The following MINK1 variants were observed in gnomAD, a reference collection of about 807,000 sequenced individuals.
MINK1 encodes the protein misshapen like kinase 1, also known as misshapen-like kinase 1.
A neutral mutation model predicts 178.4 loss-of-function variants in MINK1; 46 were observed. The observed-to-expected ratio is 0.26, with a 90% CI of 0.20 to 0.33. MINK1 has a LOEUF of 0.33. Among genes scored for constraint, MINK1 ranks in the 10% least tolerant of loss-of-function variants. The probability of loss-of-function intolerance (pLI) is 1.00; values close to 1 mark genes in which losing one functional copy is unlikely to be tolerated. For synonymous variants in MINK1, 797 were observed against 709.7 expected, an observed-to-expected ratio of 1.12 and a Z score of -1.96; for missense variants, 1,366 against 1,814.9, an observed-to-expected ratio of 0.75 and a Z score of 4.49.
intron 1 of MINK1, among the ~76,000 whole-genome samples, chr17:4,865,686 C>G (rs1166721680): frequency 6.9e-6 from 1 of 145,336 alleles, no homozygotes; most frequent in African/African-American, 2.6e-5. Flanking sequence ...AGTTCGAGAC[C>G]AGCCTGATCA....
Position 4,896,207 on chromosome 17 carries a change from C to T in MINK1, c.3480C>T (p.Leu1160=), listed in dbSNP as rs1969448316. 6.3e-7 allele frequency: 1 copy of T among 1,597,958 alleles called. No individual in the cohort carries two copies. The highest frequency in any genetic ancestry group is 1.1e-5 in the South Asian group (1 of 88,396). ...KFMAFKSFAD[L]PHRPLLVDLT... ...GTTCTCTGCAGTCCTTTGCCGACCT[C>T]CCCCACCGCCCTCTGCTGGTCGACC... Residue 1160 remains leucine (L), a synonymous_variant, in exon 29 of 32, where the codon CTC becomes CTT. Coordinates refer to ENST00000355280, the MANE Select transcript of MINK1 (RefSeq NM_153827.5). This position sits in a 1 kb window ranked among gnomAD's most constrained non-coding sequence, Gnocchi z 4.6.
At chr17:4,893,354 G>A (rs750575472) in intron 20 of MINK1, 80 bp from the exon 21 acceptor site, 1 of 1,612,620 alleles carries the variant, frequency 6.2e-7, no homozygotes, top group Non-Finnish European at 8.5e-7. Context: ...CTGTCGCCCT[G>A]CTGGGGTGTC....
chr17:4,848,203 G>C (rs1911332015), intron 1 of MINK1, among the ~76,000 whole-genome samples: 1 of 152,200 alleles, frequency 6.6e-6, no homozygotes, highest in African/African-American at 2.4e-5. Flanking sequence ...TGTGAAGACA[G>C]GGAATTGTTC....
At chr17:4,876,174 G>C (rs780143657) in intron 1 of MINK1, among the ~76,000 whole-genome samples, 3 of 151,966 alleles carry the variant, frequency 2.0e-5, no homozygotes, top group Non-Finnish European at 4.4e-5. Flanking sequence ...GGTCAGCCCA[G>C]TCCCCTTCAG....
At position 4,890,721 on chromosome 17, in the gene MINK1, G is replaced by A; in HGVS notation, c.1552G>A (p.Ala518Thr). The A allele has an allele frequency of 6.5e-7, 1 of 1,547,738 alleles. No individual in the cohort carries two copies. Among genetic ancestry groups the A allele is most frequent in the Non-Finnish European group, 8.7e-7 (1 of 1,145,024 alleles). ...GGGCATGAATCCCGCTGACAAACCAGCCTGGGCCCGAGAGGTACTCACTGC... is the reference window on the plus strand; with the variant it reads ...GGGCATGAATCCCGCTGACAAACCAACCTGGGCCCGAGAGGTACTCACTGC... ...GRGMNPADKPAWAREVEERTR... is the reference protein window; with the variant it reads ...GRGMNPADKPTWAREVEERTR... Residue 518 changes from alanine (A) to threonine (T), a missense_variant, in exon 14 of 32, where the codon GCC becomes ACC. Coordinates refer to ENST00000355280, the MANE Select transcript of MINK1 (RefSeq NM_153827.5).
intron 20 of MINK1, 56 bp from the exon 21 acceptor site, chr17:4,893,378 T>A (rs1969075757): frequency 4.4e-6 from 7 of 1,607,058 alleles, no homozygotes; most frequent in Non-Finnish European, 6.0e-6. Flanking sequence ...GCACCCTTTG[T>A]CTACCTCCAC....
At chr17:4,893,772 G>C (rs1969125078) in intron 21 of MINK1, 175 bp downstream of exon 21, 1 of 1,082,086 alleles carries the variant, frequency 9.2e-7, no homozygotes, top group Admixed American at 3.0e-5. Flanking sequence ...GTGTTGTGGG[G>C]TGGCCTCTTC....
At chr17:4,890,006 C>CCCCCCTCATT (rs1968620248) in intron 13 of MINK1, 1 of 559,828 alleles carries the variant, frequency 1.8e-6, no homozygotes, top group African/African-American at 2.0e-5. Context: ...CCTTCCTCAT[C>CCCCCCTCATT]CCCCCTCATT....
intron 15 of MINK1, 87 bp from the exon 16 acceptor site, chr17:4,891,369 A>G (rs1744558724): frequency 7.5e-6 from 11 of 1,467,890 alleles, no homozygotes; most frequent in Non-Finnish European, 1.0e-5. Context: ...AGGGGCAGCT[A>G]AAGTCCTTTC....
At chr17:4,849,755 T>C (rs188349015) in intron 1 of MINK1, among the ~76,000 whole-genome samples, 1 of 152,096 alleles carries the variant, frequency 6.6e-6, no homozygotes, top group East Asian at 1.9e-4. Flanking sequence ...GTATGTTTAG[T>C]AGAGGTGGGG....
chr17:4,890,618 A>G lies in MINK1; in HGVS notation c.1449A>G (p.Gln483=), dbSNP rs1271562964. 1.9e-6 allele frequency: 3 copies of G among 1,558,480 alleles called. No homozygotes were observed. The highest frequency in any genetic ancestry group is 1.4e-5 in the African/African-American group (1 of 73,262). ...HAYLKSLQQQ[Q]QQQQLQKQQQ... ...ACCTCAAGTCCCTGCAGCAGCAGCA[A>G]CAGCAGCAGCAGCTTCAGAAACAGC... Residue 483 remains glutamine, a synonymous_variant, in exon 14 of 32, where the codon CAA becomes CAG. Coordinates refer to ENST00000355280, the MANE Select transcript of MINK1 (RefSeq NM_153827.5).
chr17:4,846,866 G>C (rs976731422), intron 1 of MINK1, among the ~76,000 whole-genome samples: 1 of 152,104 alleles, frequency 6.6e-6, no homozygotes. Context: ...GCCAGCAGTC[G>C]GCCAAGGCCT....
Position 4,894,079 on chromosome 17 carries a change from A to G in MINK1, c.2656A>G (p.Met886Val). ...CCAGCCCCCATACGGGGGCGGCACC[A>G]TGGTGGTCCAGCGCGTGAGTGAGCC... ...GTQPPYGGGT[M>V]VVQRTPEEER... The change falls in exon 22 of 32, where the codon ATG becomes GTG. Residue 886 changes from methionine to valine, a missense_variant. Physicochemically the swap from Met to Val is conservative, Grantham distance 21 (BLOSUM62 1). Around this residue, in one of 14 missense-constraint regions of MINK1, gnomAD observed 709 missense variants for 692.3 expected, o/e 1.02. Transcript: ENST00000355280. The surrounding 1 kb of genome is among the most constrained non-coding windows in gnomAD (Gnocchi z 4.1). 1 of 1,589,612 alleles carries G rather than the reference A, an allele frequency of 6.3e-7. No homozygotes were observed. Among genetic ancestry groups the G allele is most frequent in the East Asian group, 2.2e-5 (1 of 44,514 alleles).
chr17:4,891,618 G>T lies in MINK1; in HGVS notation c.1903G>T (p.Ala635Ser). 1 of 1,602,380 alleles carries T rather than the reference G, an allele frequency of 6.2e-7. No individual in the cohort carries two copies. The highest frequency in any genetic ancestry group is 8.5e-7 in the Non-Finnish European group (1 of 1,175,134). The change falls in exon 16 of 32, where the codon GCT (alanine) becomes TCT (serine). Residue 635 changes from alanine to serine, a missense_variant. By Grantham distance (99) the Ala-to-Ser change is moderately conservative. Transcript: ENST00000355280. ...CACTGCCACGCCCAGTGCCCGAGGA[G>T]CTGTCATCCGCCAGAATTCAGACCC... ...APTATPSARGAVIRQNSDPTS... is the reference protein window; with the variant it reads ...APTATPSARGSVIRQNSDPTS...
intron 1 of MINK1, among the ~76,000 whole-genome samples, chr17:4,875,878 C>T (rs748328044): frequency 1.3e-5 from 2 of 149,256 alleles, no homozygotes; most frequent in Non-Finnish European, 3.0e-5. Context: ...TCACTGCAAC[C>T]TCCACCTCCT....
chr17:4,892,894 G>C (rs1597574362), intron 19 of MINK1, 85 bp from the exon 20 acceptor site: 1 of 1,410,922 alleles, frequency 7.1e-7, no homozygotes, highest in East Asian at 2.5e-5. Flanking sequence ...TATGGAACTT[G>C]GGGCTGAGTT....
intron 1 of MINK1, among the ~76,000 whole-genome samples, chr17:4,876,372 C>T (rs897105508): frequency 6.6e-6 from 1 of 152,214 alleles, no homozygotes; most frequent in South Asian, 2.1e-4. Context: ...GTGATACATG[C>T]TCTGATGGGG....
Position 4,896,775 on chromosome 17 carries a change from G to A in MINK1, c.3877G>A (p.Ala1293Thr). ...CGACGGGGTCTTCATGCACAAACGA[G>A]CTCAGAGGCTCAAGTTCCTGTGTGA... ...HLDGVFMHKR[A>T]QRLKFLCERN... is the part of the protein sequence containing the mutation. Residue 1293 changes from alanine to threonine, a missense_variant, in exon 31 of 32, where the codon GCT becomes ACT. Ala to Thr is a moderately conservative substitution (Grantham distance 58). This residue lies in a region of MINK1 where 201 missense variants were observed against 240.7 expected (regional missense o/e 0.84). Coordinates refer to ENST00000355280, the MANE Select transcript of MINK1 (RefSeq NM_153827.5). The surrounding 1 kb of genome is among the most constrained non-coding windows in gnomAD (Gnocchi z 4.6). 1 of 1,586,114 alleles carries A rather than the reference G, an allele frequency of 6.3e-7. No homozygotes were observed.
chr17:4,843,483 A>T (rs533116102), intron 1 of MINK1, among the ~76,000 whole-genome samples: 2 of 151,552 alleles, frequency 1.3e-5, no homozygotes, highest in Non-Finnish European at 2.9e-5. Context: ...GTCACAAAAA[A>T]AAAAGAAAGA....
Sources: gnomAD v4.1 joint callset for allele counts (sites outside exome capture counted in the v4.1 genomes callset) on GRCh38, gnomAD v4.1.1 for gene constraint, gnomAD v4.1.1 regional missense constraint, Gnocchi (gnomAD v3.1) non-coding constraint, MANE v1.5 for transcripts, NCBI Gene and HGNC (gene_info 2026-07-23, HGNC 2026-07-21) for gene names.